Variants in MBNL2 observed in about 807,000 individuals in gnomAD.
MBNL2 encodes the protein muscleblind like splicing regulator 2.
MBNL2 carries 17 observed loss-of-function variants against 41.9 expected under a neutral mutation model. The observed-to-expected ratio is 0.41, with a 90% CI of 0.28 to 0.61. The LOEUF is 0.61. Among genes scored for constraint, MBNL2 ranks in the 20% least tolerant of loss-of-function variants. MBNL2 has a pLI of 0.35. For synonymous variants in MBNL2, 195 were observed against 182.9 expected, an observed-to-expected ratio of 1.07 and a Z score of -0.53; for missense variants, 336 against 505.6, an observed-to-expected ratio of 0.66 and a Z score of 3.22.
In MBNL2 at chr13:97,346,022, G is replaced by A. The variant is rs1318110811; in HGVS notation, c.541-782G>A. On this transcript the variant is annotated intron_variant, in intron 4 of 8. Coordinates refer to ENST00000679496, the MANE Select transcript of MBNL2 (RefSeq NM_001382683.1). This position sits in a 1 kb window ranked among gnomAD's most constrained non-coding sequence, Gnocchi z 4.2. ...AGGTATATAGATAGGTAGGTAACTA[G>A]ATTAGATAGATGATTAATTAATTGA... is the stretch of plus-strand genomic sequence containing the variant. Among the ~76,000 whole-genome samples, 3 of 152,090 alleles carry A rather than the reference G, an allele frequency of 2.0e-5. No homozygotes were observed. Among genetic ancestry groups the A allele is most frequent in the African/African-American group, 7.2e-5 (3 of 41,388 alleles).
intron 1 of MBNL2, among the ~76,000 whole-genome samples, chr13:97,242,534 G>T (rs536447797): frequency 2.0e-5 from 3 of 152,140 alleles, no homozygotes; most frequent in Admixed American, 6.5e-5. Flanking sequence ...TCCTGACCCT[G>T]AACTTGTGAT....
intron 1 of MBNL2, among the ~76,000 whole-genome samples, chr13:97,243,843 CTG>C (rs1352940822): frequency 6.6e-6 from 1 of 152,130 alleles, no homozygotes. Flanking sequence ...GGCTGGGTAA[CTG>C]AGAATTTTAT....
chr13:97,388,675 A>G (rs2066138188), intron 8 of MBNL2, among the ~76,000 whole-genome samples: 1 of 152,126 alleles, frequency 6.6e-6, no homozygotes, highest in South Asian at 2.1e-4. Context: ...GATGGGTGCT[A>G]GTGATATGAC....
chr13:97,213,487 G>T, the MBNL2 span, among the ~76,000 whole-genome samples: 3 of 152,254 alleles, frequency 2.0e-5, no homozygotes, highest in Non-Finnish European at 4.4e-5. Context: ...CCAGAATCAA[G>T]GCTCTGAGAG....
chr13:97,150,466 AT>A, the MBNL2 span, among the ~76,000 whole-genome samples: 1 of 152,340 alleles, frequency 6.6e-6, no homozygotes, highest in African/African-American at 2.4e-5. Context: ...AAGACAAAAA[AT>A]AACATGTATT....
intron 8 of MBNL2, among the ~76,000 whole-genome samples, chr13:97,375,187 T>C (rs564564784): frequency 3.0e-4 from 45 of 152,222 alleles, no homozygotes; most frequent in Non-Finnish European, 5.6e-4. Flanking sequence ...TGCTCTGGTC[T>C]CTCAGCCCCT....
At position 97,269,536 on chromosome 13, in the gene MBNL2, G is replaced by A. The variant is rs534678464; in HGVS notation, c.-604-6096G>A. On this transcript the variant is annotated intron_variant, in intron 1 of 8. Transcript: ENST00000679496. ...ATGGAAAAGCAGCTGCATTTCCACC[G>A]TGCCCTCAGGGAAGCAGGCTCCCAT... Among the ~76,000 whole-genome samples, 256 of 152,172 alleles carry A rather than the reference G, an allele frequency of 1.7e-3. 1 individual carries two copies. Among genetic ancestry groups the A allele is most frequent in the African/African-American group, 5.8e-3 (239 of 41,540 alleles).
At chr13:97,180,226 T>C in the MBNL2 span, among the ~76,000 whole-genome samples, 4 of 152,144 alleles carry the variant, frequency 2.6e-5, no homozygotes, top group African/African-American at 9.7e-5. Flanking sequence ...GTTTCTGGCT[T>C]GAACGTCTGA....
the MBNL2 span, among the ~76,000 whole-genome samples, chr13:97,168,450 A>AT: frequency 1.3e-5 from 2 of 152,138 alleles, no homozygotes; most frequent in African/African-American, 4.8e-5. Flanking sequence ...TATTGTATAA[A>AT]TTTTGCACTC....
chr13:97,271,256 C>T, intron 1 of MBNL2, among the ~76,000 whole-genome samples: 1 of 151,508 alleles, frequency 6.6e-6, no homozygotes. Flanking sequence ...GCTGGGATTA[C>T]AGGCGTGTGC....
the MBNL2 span, among the ~76,000 whole-genome samples, chr13:97,184,341 G>A: frequency 6.6e-6 from 1 of 152,150 alleles, no homozygotes; most frequent in African/African-American, 2.4e-5. Flanking sequence ...CAAAAGAAGA[G>A]GACAATAACA....
chr13:97,162,213 C>A, the MBNL2 span, among the ~76,000 whole-genome samples: 1 of 152,156 alleles, frequency 6.6e-6, no homozygotes. Flanking sequence ...TCCCACCAGG[C>A]CCCACCTCCA....
chr13:97,281,111 A>G (rs1007327490), intron 2 of MBNL2, among the ~76,000 whole-genome samples: 11 of 152,234 alleles, frequency 7.2e-5, no homozygotes, highest in African/African-American at 2.7e-4. Flanking sequence ...AGTGTCTCAT[A>G]CATAACAGAT....
At chr13:97,174,869 C>G in the MBNL2 span, among the ~76,000 whole-genome samples, 4 of 152,138 alleles carry the variant, frequency 2.6e-5, no homozygotes, top group Non-Finnish European at 5.9e-5. Context: ...CAATGACAGT[C>G]CACAAACTGA....
chr13:97,142,084 G>GAGGGAAA, the MBNL2 span, among the ~76,000 whole-genome samples: 11 of 152,184 alleles, frequency 7.2e-5, no homozygotes, highest in Non-Finnish European at 1.5e-4. Context: ...AATTGATAGA[G>GAGGGAAA]AGGGAAAAGG....
At position 97,271,105 on chromosome 13, in the gene MBNL2, CTTTTTTGTTTTTTT is replaced by C. The variant is rs1421018267; in HGVS notation, c.-604-4507_-604-4494del. On this transcript the variant is annotated intron_variant, in intron 1 of 8. Coordinates refer to ENST00000679496, the MANE Select transcript of MBNL2 (RefSeq NM_001382683.1). ...ATCAGAAAGCTTGGGTACACCTGCT[CTTTTTTGTTTTTTT>C]TTTTTTGTTTTTTTTTTTTGAGACA... 4.5e-4 allele frequency among the ~76,000 whole-genome samples: 65 copies of C among 143,088 alleles called. 1 individual carries two copies. Among genetic ancestry groups the C allele is most frequent in the South Asian group, 8.8e-4 (4 of 4,530 alleles). The allele number at this position is 143,088 out of a possible 152,430, so 93.9% of individuals were successfully genotyped here.
At chr13:97,276,461 C>T in intron 2 of MBNL2, 52 bp downstream of exon 2, 3 of 1,502,814 alleles carry the variant, frequency 2.0e-6, no homozygotes, top group Non-Finnish European at 2.8e-6. Flanking sequence ...GAATTGCAAA[C>T]AGAAGGCTTT....
At chr13:97,287,939 G>GTTTTT (rs139487015) in intron 2 of MBNL2, among the ~76,000 whole-genome samples, 5 of 114,090 alleles carry the variant, frequency 4.4e-5, no homozygotes, top group East Asian at 2.3e-4. Context: ...GTTTTGTTTT[G>GTTTTT]TTTTTTTTTT....
intron 8 of MBNL2, among the ~76,000 whole-genome samples, chr13:97,380,647 G>GTCAGAGTC (rs2065365804): frequency 6.6e-6 from 1 of 152,152 alleles, no homozygotes; most frequent in Non-Finnish European, 1.5e-5. Context: ...AATAATTACA[G>GTCAGAGTC]TCAGAGTCCT....
Sources: gnomAD v4.1 joint callset for allele counts (sites outside exome capture counted in the v4.1 genomes callset) on GRCh38, gnomAD v4.1.1 for gene constraint, Gnocchi (gnomAD v3.1) non-coding constraint, MANE v1.5 for transcripts, NCBI Gene and HGNC (gene_info 2026-07-23, HGNC 2026-07-21) for gene names.